ADAMTS8: variants seen among roughly 807,000 people sequenced by gnomAD.
ADAMTS8 encodes ADAM metallopeptidase with thrombospondin type 1 motif 8, also known as A disintegrin and metalloproteinase with thrombospondin motifs 8.
ADAMTS8 carries 50 observed loss-of-function variants against 64.4 expected under a neutral mutation model. The ratio of observed to expected loss-of-function variants is 0.78; its 90% CI spans 0.62 to 0.98. ADAMTS8 has a LOEUF of 0.98. ADAMTS8 is among the 50% of genes least tolerant of loss of function. The pLI, the probability that ADAMTS8 is intolerant of heterozygous loss-of-function variation, is 0.00. For synonymous variants in ADAMTS8, 556 were observed against 533.6 expected (o/e 1.04, Z -0.58); for missense variants, 1,192 against 1,208.2 (o/e 0.99, Z 0.20).
At chr11:130,421,942 C>T (rs1302230382) in intron 1 of ADAMTS8, among the ~76,000 whole-genome samples, 3 of 152,352 alleles carry the variant, frequency 2.0e-5, no homozygotes, top group Admixed American at 2.0e-4. Context: ...GGTCCTGGCC[C>T]CCCTGAGGAG....
rs201177986 is a variant in ADAMTS8 at position 130,406,125 on chromosome 11, A to T, written c.2103T>A (p.Tyr701Ter). The T allele has an allele frequency of 6.2e-7, 1 of 1,604,704 alleles. No individual in the cohort carries two copies. Among genetic ancestry groups the T allele is most frequent in the Non-Finnish European group, 8.5e-7 (1 of 1,177,804 alleles). ...GGATGGTGACAATGTCATTGTAGCC[A>T]TAACTGTGATAGAAACAGAAGGACA... ...KVSGSLTPTNYGYNDIVTIPA... is the reference protein window; with the variant it reads ...KVSGSLTPTN Residue 701 changes from tyrosine to a stop codon, truncating the protein, a stop_gained, in exon 9 of 9, where the codon TAT (tyrosine) becomes TAA (stop). Transcript: ENST00000257359. LOFTEE classifies it low-confidence loss of function (END_TRUNC).
At chr11:130,426,860 A>G (rs1862173432) in intron 1 of ADAMTS8, among the ~76,000 whole-genome samples, 1 of 152,234 alleles carries the variant, frequency 6.6e-6, no homozygotes, top group Non-Finnish European at 1.5e-5. Context: ...CGTTTCCACC[A>G]AAGCTTCAGC....
chr11:130,427,396 T>C (rs1162219819), intron 1 of ADAMTS8, among the ~76,000 whole-genome samples, 171 bp downstream of exon 1: 1 of 150,456 alleles, frequency 6.6e-6, no homozygotes, highest in African/African-American at 2.4e-5. Context: ...CTGCTCTTTC[T>C]CAGACAGGAG....
At position 130,408,762 on chromosome 11, in the gene ADAMTS8, T is replaced by C. The variant is rs1171285621; in HGVS notation, c.1923+6A>G. On this transcript the variant is annotated splice_donor_region_variant and intron_variant, in intron 7 of 8. Coordinates refer to ENST00000257359, the MANE Select transcript of ADAMTS8 (RefSeq NM_007037.6). ...CTCTGGATCTGAGTCCCAGGGTGAT[T>C]CTCACCTTGGCCTCGAACACTTTGA... 2 of 1,614,012 alleles carry C rather than the reference T, an allele frequency of 1.2e-6. No homozygotes were observed. Among genetic ancestry groups the C allele is most frequent in the Admixed American group, 3.3e-5 (2 of 60,000 alleles).
In ADAMTS8 at chr11:130,416,444, G is replaced by A. The variant is rs1415289140; in HGVS notation, c.1097-114C>T. 3.3e-6 allele frequency: 4 copies of A among 1,214,828 alleles called. No homozygotes were observed. The highest frequency in any genetic ancestry group is 2.8e-5 in the Admixed American group (1 of 35,362). 75.3% of individuals were successfully genotyped at this position (1,214,828 alleles called of 1,614,324 possible). A position where few individuals can be genotyped will look rare whatever the true frequency, so the allele number is the denominator to read the frequency against. On this transcript the variant is annotated intron_variant, in intron 3 of 8. Transcript: ENST00000257359. This position sits in a 1 kb window ranked among gnomAD's most constrained non-coding sequence, Gnocchi z 4.8. ...GGGAGCAGCCACCCCCTCACTCTCC[G>A]AAGATTTCTGCGTAGGGCTTTCCCC...
At chr11:130,406,212 C>T (rs1861883231) in intron 8 of ADAMTS8, 84 bp from the exon 9 acceptor site, 3 of 1,476,996 alleles carry the variant, frequency 2.0e-6, no homozygotes, top group Non-Finnish European at 2.7e-6. Flanking sequence ...GAAGTGGGCA[C>T]CCCAGGTGGC....
In ADAMTS8 at chr11:130,428,009, C is replaced by G; in HGVS notation, c.278G>C (p.Gly93Ala). The G allele has an allele frequency of 1.3e-6, 2 of 1,525,802 alleles. No individual in the cohort carries two copies. Among genetic ancestry groups the G allele is most frequent in the Non-Finnish European group, 1.7e-6 (2 of 1,142,978 alleles). The allele number at this position is 1,525,802 out of a possible 1,614,324, so 94.5% of individuals were successfully genotyped here. A position where few individuals can be genotyped will look rare whatever the true frequency, so the allele number is the denominator to read the frequency against. ...RLGGSGRATGGERGLRGCFFS... is the reference protein window; with the variant it reads ...RLGGSGRATGAERGLRGCFFS... ...GAAGCAGCCGCGCAGCCCCCGCTCG[C>G]CCCCGGTCGCCCGGCCGGAGCCCCC... The change falls in exon 1 of 9, where the codon GGC becomes GCC. Residue 93 changes from glycine to alanine, a missense_variant. Gly to Ala is a moderately conservative substitution (Grantham distance 60). This residue lies in a region of ADAMTS8 where 741 missense variants were observed against 710.6 expected (regional missense o/e 1.04). Transcript: ENST00000257359.
In ADAMTS8 at chr11:130,417,006, T is replaced by G; in HGVS notation, c.1030A>C (p.Asn344His). ...VADIGTICDP[N>H]KSCSVIEDEG... is the part of the protein sequence containing the mutation. ...TCCTCGATCACGGAGCAGCTTTTGT[T>G]GGGGTCACAAATGGTCCCGATGTCT... Residue 344 changes from asparagine to histidine, a missense_variant, in exon 3 of 9, where the codon AAC becomes CAC. This residue lies in a region of ADAMTS8 where 741 missense variants were observed against 710.6 expected (regional missense o/e 1.04). Transcript: ENST00000257359. The G allele has an allele frequency of 1.2e-6, 2 of 1,614,070 alleles. No individual in the cohort carries two copies. The highest frequency in any genetic ancestry group is 2.2e-5 in the South Asian group (2 of 91,086).
Position 130,428,511 on chromosome 11 carries a change from C to G in ADAMTS8, c.-225G>C, listed in dbSNP as rs966361324. On this transcript the variant is annotated 5_prime_UTR_variant, in exon 1 of 9. Coordinates refer to ENST00000257359, the MANE Select transcript of ADAMTS8 (RefSeq NM_007037.6). The stretch of plus-strand genomic sequence containing the variant: ...CGCGCCGCCGCCCCCGAGCCGAGCG[C>G]GAGCAGCTGGCCCCGGCCCGCGTGC... The G allele has an allele frequency of 1.0e-4, 97 of 942,198 alleles. No individual in the cohort carries two copies. Among genetic ancestry groups the G allele is most frequent in the Non-Finnish European group, 1.2e-4 (96 of 790,816 alleles). 58.4% of individuals were successfully genotyped at this position (942,198 alleles called of 1,614,324 possible).
At position 130,428,102 on chromosome 11, in the gene ADAMTS8, T is replaced by C. The variant is rs1862202851; in HGVS notation, c.185A>G (p.Lys62Arg). 6.5e-7 allele frequency: 1 copy of C among 1,533,330 alleles called. No individual in the cohort carries two copies. The highest frequency in any genetic ancestry group is 8.7e-7 in the Non-Finnish European group (1 of 1,149,528). 95.0% of individuals were successfully genotyped at this position (1,533,330 alleles called of 1,614,324 possible). A position where few individuals can be genotyped will look rare whatever the true frequency, so the allele number is the denominator to read the frequency against. Residue 62 changes from lysine to arginine, a missense_variant, in exon 1 of 9, where the codon AAG becomes AGG. Physicochemically the swap from Lys to Arg is conservative, Grantham distance 26. This residue lies in a region of ADAMTS8 where 741 missense variants were observed against 710.6 expected (regional missense o/e 1.04). Coordinates refer to ENST00000257359, the MANE Select transcript of ADAMTS8 (RefSeq NM_007037.6). ...GGGCGCCAGGCGCAGCACGAAGCCC[T>C]TGCCGAAGGCGGACAGGTGGAGCGC... ...ELALHLSAFG[K>R]GFVLRLAPDD...
Position 130,411,033 on chromosome 11 carries a change from A to G in ADAMTS8, c.1750+384T>C, listed in dbSNP as rs1003093747. On this transcript the variant is annotated intron_variant, in intron 6 of 8. Coordinates refer to ENST00000257359, the MANE Select transcript of ADAMTS8 (RefSeq NM_007037.6). The surrounding 1 kb of genome is among the most constrained non-coding windows in gnomAD (Gnocchi z 4.2). ...ATTCTGCACACAGATGAGGGTTCCTATGCCTCCAGGAGGATTAGTTTCCTA... is the reference window on the plus strand; with the variant it reads ...ATTCTGCACACAGATGAGGGTTCCTGTGCCTCCAGGAGGATTAGTTTCCTA... 6.6e-5 allele frequency among the ~76,000 whole-genome samples: 10 copies of G among 152,152 alleles called. No individual in the cohort carries two copies. The highest frequency in any genetic ancestry group is 2.4e-4 in the African/African-American group (10 of 41,440).
chr11:130,424,700 C>A (rs1196192984), intron 1 of ADAMTS8, among the ~76,000 whole-genome samples: 1 of 152,194 alleles, frequency 6.6e-6, no homozygotes, highest in Admixed American at 6.5e-5. Context: ...CTTCTCTCAG[C>A]TGGGCTCATG....
intron 8 of ADAMTS8, among the ~76,000 whole-genome samples, chr11:130,407,779 G>A (rs947172575): frequency 6.6e-6 from 1 of 152,184 alleles, no homozygotes; most frequent in African/African-American, 2.4e-5. Context: ...AACCATCAAT[G>A]TGACCTTAGA....
chr11:130,411,939 G>A lies in ADAMTS8; in HGVS notation c.1567-339C>T, dbSNP rs904808368. ...TAATGCAGTGGTTCTCCGTTGGGGC[G>A]AATTCTGCCCTCCAGGGGACATTTG... On this transcript the variant is annotated intron_variant, in intron 5 of 8. Coordinates refer to ENST00000257359, the MANE Select transcript of ADAMTS8 (RefSeq NM_007037.6). This position sits in a 1 kb window ranked among gnomAD's most constrained non-coding sequence, Gnocchi z 4.2. The A allele has an allele frequency of 1.5e-5, 4 of 272,184 alleles. No homozygotes were observed. Among genetic ancestry groups the A allele is most frequent in the South Asian group, 5.6e-5 (1 of 17,904 alleles). 16.9% of individuals were successfully genotyped at this position (272,184 alleles called of 1,614,324 possible).
intron 2 of ADAMTS8, among the ~76,000 whole-genome samples, chr11:130,418,777 G>A (rs116485153): frequency 0.058 from 8,777 of 152,300 alleles, 343 homozygotes; most frequent in East Asian, 0.2. Flanking sequence ...CTCTCACTGG[G>A]CAGCTTGAGC....
chr11:130,413,552 A>G (rs1325316928), intron 5 of ADAMTS8, among the ~76,000 whole-genome samples: 2 of 152,216 alleles, frequency 1.3e-5, no homozygotes, highest in East Asian at 3.8e-4. Flanking sequence ...TCACAGTAAG[A>G]GAAATGCGAT....
Position 130,419,955 on chromosome 11 carries a change from A to G in ADAMTS8, c.721-663T>C, listed in dbSNP as rs150329692. Among the ~76,000 whole-genome samples the G allele has an allele frequency of 7.7e-3, 1,174 of 152,364 alleles. 17 individuals carry two copies. The highest frequency in any genetic ancestry group is 0.027 in the African/African-American group (1,107 of 41,582). On this transcript the variant is annotated intron_variant, in intron 1 of 8. Coordinates refer to ENST00000257359, the MANE Select transcript of ADAMTS8 (RefSeq NM_007037.6). Reference sequence around the variant, plus strand: ...CTCCTAACAACAGCTACTCTGCCACAGTACCTCATTCAATTCTCACAATAA... The same window carrying G: ...CTCCTAACAACAGCTACTCTGCCACGGTACCTCATTCAATTCTCACAATAA...
At chr11:130,424,399 CAG>C (rs1159953194) in intron 1 of ADAMTS8, among the ~76,000 whole-genome samples, 1 of 152,196 alleles carries the variant, frequency 6.6e-6, no homozygotes. Context: ...TGAACACGCT[CAG>C]AGAGTGGCTA....
chr11:130,408,924 C>A lies in ADAMTS8; in HGVS notation c.1767G>T (p.Glu589Asp). Residue 589 changes from glutamate (E) to aspartate (D), a missense_variant, in exon 7 of 9, where the codon GAG becomes GAT. By Grantham distance (45) the Glu-to-Asp change is conservative (BLOSUM62 2). Transcript: ENST00000257359. ...AGGCATTATACTTCTCACACTGCTG[C>A]TCCCTGAAGCTTTTCCCTAGAAAGA... ...ECPPDGKSFR[E>D]QQCEKYNAYN... 1 of 1,542,636 alleles carries A rather than the reference C, an allele frequency of 6.5e-7. No individual in the cohort carries two copies. Among genetic ancestry groups the A allele is most frequent in the Non-Finnish European group, 8.7e-7 (1 of 1,143,888 alleles).
Sources: gnomAD v4.1 joint callset for allele counts (sites outside exome capture counted in the v4.1 genomes callset) on GRCh38, gnomAD v4.1.1 for gene constraint, gnomAD v4.1.1 regional missense constraint, Gnocchi (gnomAD v3.1) non-coding constraint, MANE v1.5 for transcripts, NCBI Gene and HGNC (gene_info 2026-07-23, HGNC 2026-07-21) for gene names.